DIAPH2: variants seen among roughly 807,000 people sequenced by gnomAD.
DIAPH2 encodes diaphanous related formin 2, also known as protein diaphanous homolog 2.
DIAPH2 carries 35 observed loss-of-function variants against 92.7 expected under a neutral mutation model. The ratio of observed to expected loss-of-function variants is 0.38; its 90% confidence interval spans 0.29 to 0.50. The LOEUF (loss-of-function observed/expected upper bound fraction) is 0.50. Ranked by LOEUF, DIAPH2 falls within the 20% of genes least tolerant of loss-of-function variation. The pLI, the probability that DIAPH2 is intolerant of heterozygous loss-of-function variation, is 0.94. For synonymous variants in DIAPH2, 301 were observed against 280.4 expected (o/e 1.07, Z -0.73); for missense variants, 701 against 819.5 (o/e 0.86, Z 1.77).
intron 25 of DIAPH2, among the ~76,000 whole-genome samples, chrX:97,415,572 G>C (rs969046267): frequency 9.1e-6 from 1 of 109,967 alleles, no homozygotes; most frequent in African/African-American, 3.3e-5. Context: ...ATGAAGCTGG[G>C]AACCATCATT....
At chrX:97,289,557 A>ATGATTTTAAATCAGT (rs1173779118) in intron 23 of DIAPH2, among the ~76,000 whole-genome samples, 4 of 111,008 alleles carry the variant, frequency 3.6e-5, no homozygotes, top group African/African-American at 1.3e-4. Flanking sequence ...TCATCTGGGG[A>ATGATTTTAAATCAGT]ACTTTTAAAA....
At chrX:97,195,190 C>A (rs1402020171) in intron 22 of DIAPH2, among the ~76,000 whole-genome samples, 2 of 111,716 alleles carry the variant, frequency 1.8e-5, no homozygotes, top group African/African-American at 6.5e-5. Flanking sequence ...TAAATGATAT[C>A]TTCTAGGAGA....
At chrX:97,185,357 G>GTGTA (rs56151253) in intron 22 of DIAPH2, among the ~76,000 whole-genome samples, 12,689 of 19,500 alleles carry the variant, frequency 0.65, 4,218 homozygotes, top group Non-Finnish European at 0.76. Context: ...ATATATGTGT[G>GTGTA]TATATATATA....
In DIAPH2 at chrX:97,236,965, G is replaced by A. The variant is rs371491689; in HGVS notation, c.2720-10750G>A. On this transcript the variant is annotated intron_variant, in intron 22 of 26. Coordinates refer to ENST00000324765, the MANE Select transcript of DIAPH2 (RefSeq NM_006729.5). ...ATCGCATCTAGTTTGTCAAAACATT[G>A]TTTGACAGTATTGAATATAAATTGT... 2.7e-4 allele frequency among the ~76,000 whole-genome samples: 30 copies of A among 112,017 alleles called. 1 individual carries two copies. The highest frequency in any genetic ancestry group is 8.7e-4 in the African/African-American group (27 of 30,898).
chrX:97,562,226 T>C (rs1199093472), intron 26 of DIAPH2, among the ~76,000 whole-genome samples: 3 of 110,025 alleles, frequency 2.7e-5, no homozygotes, highest in Non-Finnish European at 5.7e-5. Context: ...CCGGGCGCGG[T>C]GGCTCATGCC....
chrX:96,905,065 T>C (rs2065424045), intron 5 of DIAPH2, among the ~76,000 whole-genome samples: 1 of 111,475 alleles, frequency 9.0e-6, no homozygotes, highest in Admixed American at 9.5e-5. Context: ...TATACTAGCC[T>C]TTAGCACTGC....
intron 16 of DIAPH2, among the ~76,000 whole-genome samples, chrX:96,962,418 C>T (rs372173696): frequency 3.9e-5 from 2 of 50,852 alleles, no homozygotes; most frequent in African/African-American, 7.4e-5. Flanking sequence ...TATATATATA[C>T]ACATATATAT....
At chrX:97,383,446 G>C (rs980341882) in intron 24 of DIAPH2, among the ~76,000 whole-genome samples, 2 of 109,242 alleles carry the variant, frequency 1.8e-5, no homozygotes, top group African/African-American at 6.7e-5. Flanking sequence ...CAATTTTGCA[G>C]ATAACAGAAA....
chrX:96,848,042 A>G (rs2064983470), intron 4 of DIAPH2, among the ~76,000 whole-genome samples: 1 of 109,708 alleles, frequency 9.1e-6, no homozygotes, highest in African/African-American at 3.3e-5. Context: ...AAAAATTATT[A>G]TTATTATTTT....
chrX:96,884,780 A>G (rs773158242), intron 5 of DIAPH2: 6 of 1,208,320 alleles, frequency 5.0e-6, no homozygotes, highest in African/African-American at 3.5e-5. Flanking sequence ...TTCACCGTGC[A>G]TATTCTGGAA....
chrX:97,219,669 C>G (rs1000463283), intron 22 of DIAPH2, among the ~76,000 whole-genome samples: 1 of 111,763 alleles, frequency 8.9e-6, no homozygotes, highest in Admixed American at 9.5e-5. Flanking sequence ...ACTAGCTTCA[C>G]ATGTTCCTTT....
intron 4 of DIAPH2, among the ~76,000 whole-genome samples, chrX:96,862,019 T>C (rs2065075226): frequency 8.9e-6 from 1 of 111,783 alleles, no homozygotes; most frequent in Non-Finnish European, 1.9e-5. Flanking sequence ...TATTAGACAT[T>C]CCTTCTCCTA....
chrX:97,047,542 CTTTTTTTTTTT>C (rs5903064), intron 17 of DIAPH2, among the ~76,000 whole-genome samples: 29 of 30,111 alleles, frequency 9.6e-4, no homozygotes, highest in African/African-American at 3.8e-3. Context: ...ATAAAATAGG[CTTTTTTTTTTT>C]TTTTTTTTTT....
At chrX:97,425,732 G>A (rs1378362892) in intron 25 of DIAPH2, among the ~76,000 whole-genome samples, 21 of 105,263 alleles carry the variant, frequency 2.0e-4, no homozygotes, top group African/African-American at 7.0e-4. Flanking sequence ...AGTGAGCCTC[G>A]ATCACACCAC....
intron 1 of DIAPH2, among the ~76,000 whole-genome samples, chrX:96,702,263 G>A (rs1285588560): frequency 8.9e-6 from 1 of 111,817 alleles, no homozygotes; most frequent in Non-Finnish European, 1.9e-5. Flanking sequence ...GATGATTTGG[G>A]CAAGCTCCTC....
At chrX:97,358,475 G>C (rs943263890) in intron 24 of DIAPH2, among the ~76,000 whole-genome samples, 6 of 110,962 alleles carry the variant, frequency 5.4e-5, no homozygotes, top group Non-Finnish European at 1.1e-4. Flanking sequence ...CCCTGTTTCA[G>C]GATTACCTGC....
At chrX:96,803,115 G>A (rs1602519985) in intron 4 of DIAPH2, among the ~76,000 whole-genome samples, 1 of 110,775 alleles carries the variant, frequency 9.0e-6, no homozygotes, top group Non-Finnish European at 1.9e-5. Context: ...TGACTCAAAT[G>A]TTAATCTCCT....
intron 26 of DIAPH2, among the ~76,000 whole-genome samples, chrX:97,471,074 C>T (rs765521221): frequency 9.0e-6 from 1 of 111,702 alleles, no homozygotes; most frequent in African/African-American, 3.3e-5. Context: ...TCTTTCTCAC[C>T]ATTTATTTAT....
intron 4 of DIAPH2, among the ~76,000 whole-genome samples, chrX:96,855,113 T>C (rs2065031491): frequency 9.0e-6 from 1 of 111,282 alleles, no homozygotes; most frequent in Non-Finnish European, 1.9e-5. Context: ...GTTCAGTCCA[T>C]CTTTCCGTTG....
Sources: allele counts gnomAD v4.1 joint callset (sites outside exome capture counted in the v4.1 genomes callset), GRCh38; gene constraint gnomAD v4.1.1; transcripts MANE v1.5; gene names NCBI Gene and HGNC (gene_info 2026-07-23, HGNC 2026-07-21).